Variants in CSTL1 observed in about 807,000 individuals in gnomAD.
CSTL1 encodes the protein cystatin like 1.
CSTL1 carries 14 observed loss-of-function variants against 14.4 expected under a neutral mutation model. The ratio of observed to expected loss-of-function variants is 0.97; its 90% CI spans 0.64 to 1.52. CSTL1 has a LOEUF of 1.52. Ranked by LOEUF, CSTL1 falls within the 40% of genes most tolerant of loss-of-function variation. The pLI, the probability that CSTL1 is intolerant of heterozygous loss-of-function variation, is 0.00. For missense variants in CSTL1, 170 were observed against 168.7 expected (o/e 1.01, Z -0.04); for synonymous variants, 72 against 67.5 (o/e 1.07, Z -0.33).
chr20:23,451,671 C>G, the CSTL1 span: 13 of 573,742 alleles, frequency 2.3e-5, no homozygotes, highest in Non-Finnish European at 3.5e-5. Context: ...TGCTTTCCCT[C>G]TCTGAGGAAG....
chr20:23,455,956 C>T, the CSTL1 span, among the ~76,000 whole-genome samples: 1 of 152,200 alleles, frequency 6.6e-6, no homozygotes, highest in Non-Finnish European at 1.5e-5. Context: ...ATTCCCTCCC[C>T]ACTCCCCTGC....
the CSTL1 span, among the ~76,000 whole-genome samples, chr20:23,453,979 C>T: frequency 0.014 from 2,132 of 152,040 alleles, 57 homozygotes; most frequent in African/African-American, 0.047. Context: ...TATCCACACT[C>T]ACACTGAAAT....
intron 2 of CSTL1, 61 bp downstream of exon 2, chr20:23,440,547 A>C: frequency 3.8e-6 from 5 of 1,308,722 alleles, no homozygotes; most frequent in Non-Finnish European, 5.5e-6. Flanking sequence ...CAGACATGTG[A>C]GGATTCTGGG....
At chr20:23,444,157 C>A in intron 3 of CSTL1, 113 bp downstream of exon 3, 1 of 881,404 alleles carries the variant, frequency 1.1e-6, no homozygotes, top group Non-Finnish European at 1.8e-6. Context: ...TGGGGCCCAG[C>A]CCTGGGGCTG....
At chr20:23,443,876 G>A (rs1393115839) in intron 2 of CSTL1, 58 bp from the exon 3 acceptor site, 3 of 1,286,292 alleles carry the variant, frequency 2.3e-6, no homozygotes, top group South Asian at 1.2e-5. Flanking sequence ...TTCTCCAGGA[G>A]AGGGTCAGCC....
At chr20:23,447,279 G>A (rs747545298), downstream of CSTL1, among the ~76,000 whole-genome samples, 12 of 152,098 alleles carry the variant, frequency 7.9e-5, no homozygotes, top group South Asian at 2.1e-4. Context: ...CCGTGTGGTC[G>A]TGTGTAGTTA....
chr20:23,450,268 G>A, the CSTL1 span: 11 of 387,128 alleles, frequency 2.8e-5, no homozygotes, highest in Admixed American at 4.3e-5. Context: ...TGAAGGCATA[G>A]GTGATAAGGT....
chr20:23,455,510 C>T, the CSTL1 span, among the ~76,000 whole-genome samples: 1 of 152,222 alleles, frequency 6.6e-6, no homozygotes, highest in Non-Finnish European at 1.5e-5. Flanking sequence ...GCATCTAGCA[C>T]GTGGTGGGGC....
downstream of CSTL1, among the ~76,000 whole-genome samples, chr20:23,445,432 C>CT (rs1342697066): frequency 1.3e-5 from 2 of 151,912 alleles, no homozygotes; most frequent in African/African-American, 2.4e-5. Flanking sequence ...TTTTAAAACA[C>CT]TTTTTTTGTG....
chr20:23,443,965 T>C lies in CSTL1; in HGVS notation c.251T>C (p.Val84Ala). ...ACGGGAGTGGAGTATATAGTCACTG[T>C]GAAGATTGGCTGGACCAAATGCAAG... Reference protein sequence around the residue: ...LTTGVEYIVTVKIGWTKCKRN... With the variant: ...LTTGVEYIVTAKIGWTKCKRN... The change falls in exon 3 of 4, where the codon GTG becomes GCG. Residue 84 changes from valine to alanine, a missense_variant. Transcript: ENST00000347397. 6.2e-7 allele frequency: 1 copy of C among 1,614,096 alleles called. No individual in the cohort carries two copies. Among genetic ancestry groups the C allele is most frequent in the Non-Finnish European group, 8.5e-7 (1 of 1,179,916 alleles).
intron 2 of CSTL1, among the ~76,000 whole-genome samples, chr20:23,441,443 T>C (rs1986828641): frequency 6.6e-6 from 1 of 152,194 alleles, no homozygotes; most frequent in African/African-American, 2.4e-5. Flanking sequence ...GGTCAGATAA[T>C]AAACTATACA....
At chr20:23,451,838 G>C in the CSTL1 span, 1 of 1,613,894 alleles carries the variant, frequency 6.2e-7, no homozygotes, top group Non-Finnish European at 8.5e-7. Flanking sequence ...CCTTTCCTGG[G>C]GGACACAGTT....
the CSTL1 span, chr20:23,450,682 G>A: frequency 1.2e-5 from 10 of 812,764 alleles, no homozygotes; most frequent in Non-Finnish European, 1.9e-5. Context: ...ATGGAGAAAA[G>A]GCTACCACCT....
chr20:23,452,884 C>A, the CSTL1 span: 1 of 1,207,018 alleles, frequency 8.3e-7, no homozygotes, highest in Non-Finnish European at 1.2e-6. Flanking sequence ...ACTGACCCTA[C>A]CTGCCCTGGC....
the CSTL1 span, among the ~76,000 whole-genome samples, chr20:23,457,121 C>T: frequency 2.0e-5 from 3 of 152,186 alleles, no homozygotes; most frequent in African/African-American, 2.4e-5. Flanking sequence ...GCTCTTGTCT[C>T]GGCCAGGACT....
chr20:23,452,695 T>C, the CSTL1 span: 2 of 1,613,924 alleles, frequency 1.2e-6, no homozygotes, highest in Non-Finnish European at 1.7e-6. Flanking sequence ...AGTTTTCTAC[T>C]GCCATCACTT....
chr20:23,443,694 G>A (rs929677550), intron 2 of CSTL1, among the ~76,000 whole-genome samples: 4 of 152,212 alleles, frequency 2.6e-5, no homozygotes, highest in Non-Finnish European at 5.9e-5. Context: ...ATGGAACAGA[G>A]GCAGGTGAGA....
intron 2 of CSTL1, among the ~76,000 whole-genome samples, chr20:23,442,649 G>A (rs1362445251): frequency 6.6e-6 from 1 of 152,156 alleles, no homozygotes; most frequent in Non-Finnish European, 1.5e-5. Context: ...CACATGTTTG[G>A]GTGCGGGGAG....
chr20:23,450,727 A>T, the CSTL1 span: 1 of 534,730 alleles, frequency 1.9e-6, no homozygotes, highest in Non-Finnish European at 3.3e-6. Flanking sequence ...CCACAAACAG[A>T]AGGACATTTT....
Sources: gnomAD v4.1 joint callset for allele counts (sites outside exome capture counted in the v4.1 genomes callset) on GRCh38, gnomAD v4.1.1 for gene constraint, MANE v1.5 for transcripts, NCBI Gene and HGNC (gene_info 2026-07-23, HGNC 2026-07-21) for gene names.